ADAMTS2: variants seen among roughly 807,000 people sequenced by gnomAD.
The protein encoded by ADAMTS2 is A disintegrin and metalloproteinase with thrombospondin motifs 2.
A neutral mutation model predicts 123.0 loss-of-function variants in ADAMTS2; 50 were observed. The observed-to-expected ratio is 0.41, with a 90% CI of 0.32 to 0.51. The LOEUF (loss-of-function observed/expected upper bound fraction) is 0.51, where lower values mean the gene tolerates loss of function less well. Among genes scored for constraint, ADAMTS2 ranks in the 20% least tolerant of loss-of-function variants. The pLI, the probability that ADAMTS2 is intolerant of heterozygous loss-of-function variation, is 0.35. For missense variants in ADAMTS2, 1,494 were observed against 1,705.2 expected (o/e 0.88, Z 2.18); for synonymous variants, 678 against 695.4 (o/e 0.98, Z 0.39).
Position 179,242,875 on chromosome 5 carries a change from G to A in ADAMTS2, c.688+30036C>T, listed in dbSNP as rs1021901742. Among the ~76,000 whole-genome samples, 9 of 152,146 alleles carry A rather than the reference G, an allele frequency of 5.9e-5. No homozygotes were observed. In the East Asian group the frequency reaches 9.6e-4, roughly 16 times the overall value. ...CCCTGCTGAGTGTGACCGAAAGGCC[G>A]GAGCACCTTCCTCCACCCAGCCCTA... On this transcript the variant is annotated intron_variant, in intron 3 of 21. Transcript: ENST00000251582. This position sits in a 1 kb window ranked among gnomAD's most constrained non-coding sequence, Gnocchi z 4.2.
rs372364065 is a variant in ADAMTS2 at position 179,114,134 on chromosome 5, G to A, written c.3369C>T (p.Leu1123=). The change falls in exon 22 of 22, where the codon CTC becomes CTT. Residue 1123 remains leucine (L), a synonymous_variant. Coordinates refer to ENST00000251582, the MANE Select transcript of ADAMTS2 (RefSeq NM_014244.5). The part of the protein sequence containing the change: ...HNDIDVFMPT[L]PVPTVAMEVR... ...CCTCCATGGCTACAGTGGGCACTGG[G>A]AGGGTAGGCATGAACACGTCAATGT... 3 of 1,613,910 alleles carry A rather than the reference G, an allele frequency of 1.9e-6. No homozygotes were observed. The highest frequency in any genetic ancestry group is 2.7e-5 in the African/African-American group (2 of 74,906).
chr5:179,126,809 G>A (rs1035052669), intron 17 of ADAMTS2, among the ~76,000 whole-genome samples: 1 of 152,190 alleles, frequency 6.6e-6, no homozygotes, highest in Non-Finnish European at 1.5e-5. Flanking sequence ...GGCATCCCAG[G>A]AAGCAGAGGC....
chr5:179,252,034 G>T (rs1307132586), intron 3 of ADAMTS2, among the ~76,000 whole-genome samples: 1 of 146,064 alleles, frequency 6.8e-6, no homozygotes, highest in African/African-American at 2.6e-5. Flanking sequence ...TTGAGATAGG[G>T]TCTGACTTTG....
rs868813411 is a variant in ADAMTS2, at chr5:179,228,339, C to T, written c.689-20624G>A. ...AGGTGACAGGAACGGGCCAGGTGCA[C>T]GGACAGGGCTGTTCCTGACTCAGCT... On this transcript the variant is annotated intron_variant, in intron 3 of 21. Coordinates refer to ENST00000251582, the MANE Select transcript of ADAMTS2 (RefSeq NM_014244.5). The surrounding 1 kb of genome is among the most constrained non-coding windows in gnomAD (Gnocchi z 5.2). 9.2e-5 allele frequency among the ~76,000 whole-genome samples: 14 copies of T among 152,218 alleles called. No individual in the cohort carries two copies. The highest frequency in any genetic ancestry group is 1.8e-4 in the Non-Finnish European group (12 of 68,040).
At chr5:179,139,466 C>T (rs1763122842) in intron 11 of ADAMTS2, among the ~76,000 whole-genome samples, 1 of 152,052 alleles carries the variant, frequency 6.6e-6, no homozygotes. Context: ...TTGTCCCTCC[C>T]CTGGGCAGCC....
rs1763906018 is a variant in ADAMTS2, at chr5:179,175,237, G to C, written c.975+5835C>G. 6.6e-6 allele frequency among the ~76,000 whole-genome samples: 1 copy of C among 151,586 alleles called. No individual in the cohort carries two copies. Among genetic ancestry groups the C allele is most frequent in the East Asian group, 1.9e-4 (1 of 5,170 alleles). On this transcript the variant is annotated intron_variant, in intron 5 of 21. Transcript: ENST00000251582. The surrounding 1 kb of genome is among the most constrained non-coding windows in gnomAD (Gnocchi z 4.1). ...TCTTCCTTGCTTGGGTTCCGCAGCTGTCTCAGCCATGCTTGACCGTTCATG... is the reference window on the plus strand; with the variant it reads ...TCTTCCTTGCTTGGGTTCCGCAGCTCTCTCAGCCATGCTTGACCGTTCATG...
At chr5:179,341,317 T>G in intron 2 of ADAMTS2, 1 of 371,206 alleles carries the variant, frequency 2.7e-6, no homozygotes, top group Non-Finnish European at 5.4e-6. Flanking sequence ...AGGTCGGGAG[T>G]TTGAGACCAG....
rs2303645 is a variant in ADAMTS2 at position 179,130,291 on chromosome 5, C to T, written c.2291-193G>A. On this transcript the variant is annotated intron_variant, in intron 15 of 21. Transcript: ENST00000251582. This position sits in a 1 kb window ranked among gnomAD's most constrained non-coding sequence, Gnocchi z 4.3. ...CCCTGCTTGCCCATCACTGCTCCCT[C>T]GGGACCAGATTACCCTCCACTCGCA... is the stretch of plus-strand genomic sequence containing the variant. 0.24 allele frequency among the ~76,000 whole-genome samples: 37,049 copies of T among 151,968 alleles called. 4,664 individuals are homozygous for T. The highest frequency in any genetic ancestry group is 0.34 in the East Asian group (1,728 of 5,116).
intron 4 of ADAMTS2, among the ~76,000 whole-genome samples, chr5:179,186,283 C>G (rs897813988): frequency 2.6e-5 from 4 of 152,238 alleles, no homozygotes; most frequent in Non-Finnish European, 4.4e-5. Context: ...GGTGGTTCTC[C>G]TGCCCCTGCG....
chr5:179,215,787 G>A (rs146704829), intron 3 of ADAMTS2, among the ~76,000 whole-genome samples: 1 of 152,096 alleles, frequency 6.6e-6, no homozygotes, highest in African/African-American at 2.4e-5. Context: ...GGGAAAATCA[G>A]GTTACAGGAG....
chr5:179,280,971 C>A (rs1766885313), intron 2 of ADAMTS2, among the ~76,000 whole-genome samples: 1 of 152,172 alleles, frequency 6.6e-6, no homozygotes, highest in Non-Finnish European at 1.5e-5. Flanking sequence ...GATTCTCCTG[C>A]CTCAGCCTCC....
intron 3 of ADAMTS2, among the ~76,000 whole-genome samples, chr5:179,267,398 A>T (rs1057365285): frequency 4.6e-5 from 7 of 152,200 alleles, no homozygotes; most frequent in African/African-American, 1.7e-4. Context: ...GTCAGGGAGG[A>T]TGCTGCAGCC....
In ADAMTS2 at chr5:179,125,144, G is replaced by A. The variant is rs149424876; in HGVS notation, c.2787C>T (p.Thr929=). The A allele has an allele frequency of 6.2e-7, 1 of 1,612,966 alleles. No individual in the cohort carries two copies. The part of the protein sequence containing the change: ...VTGEWEPCSQ[T]CGRTGMQVRS... The stretch of plus-strand genomic sequence containing the variant: ...GCACCTGCATGCCTGTCCGCCCACA[G>A]GTCTGGCTACATGGCTCCCATTCGC... Residue 929 remains threonine (T), a synonymous_variant, in exon 19 of 22, where the codon ACC becomes ACT. Transcript: ENST00000251582.
intron 3 of ADAMTS2, among the ~76,000 whole-genome samples, chr5:179,249,790 A>G (rs1713911303): frequency 6.6e-6 from 1 of 152,182 alleles, no homozygotes; most frequent in African/African-American, 2.4e-5. Flanking sequence ...CTAGGACCAG[A>G]TGGCTTTACT....
intron 2 of ADAMTS2, among the ~76,000 whole-genome samples, chr5:179,333,850 T>C (rs1757541648): frequency 1.3e-5 from 2 of 152,104 alleles, no homozygotes; most frequent in South Asian, 4.1e-4. Flanking sequence ...TCTGCCCGCC[T>C]CAGCCTCCTC....
intron 2 of ADAMTS2, among the ~76,000 whole-genome samples, chr5:179,327,286 G>T (rs1273829594): frequency 6.6e-6 from 1 of 152,190 alleles, no homozygotes; most frequent in African/African-American, 2.4e-5. Context: ...GAAGGGTAAG[G>T]CAGGGACTCA....
At chr5:179,219,655 G>T (rs1304105991) in intron 3 of ADAMTS2, among the ~76,000 whole-genome samples, 1 of 152,240 alleles carries the variant, frequency 6.6e-6, no homozygotes, top group Non-Finnish European at 1.5e-5. Context: ...GCCCAAGCCA[G>T]CAGGGCCATG....
rs977515096 is a variant in ADAMTS2 at position 179,111,699 on chromosome 5, G to A, written c.*2168C>T. 5 of 152,242 alleles carry A rather than the reference G, an allele frequency of 3.3e-5. No individual in the cohort carries two copies. Among genetic ancestry groups the A allele is most frequent in the Non-Finnish European group, 5.9e-5 (4 of 68,052 alleles). The allele number at this position is 152,242 out of a possible 1,614,324, so 9.4% of individuals were successfully genotyped here. A position where few individuals can be genotyped will look rare whatever the true frequency, so the allele number is the denominator to read the frequency against. ...CAGAGGCCCCTAGGCTGGGTAAACC[G>A]AGTCATACTCTCTGCCTAGCGTTAG... On this transcript the variant is annotated 3_prime_UTR_variant, in exon 22 of 22. Transcript: ENST00000251582.
intron 3 of ADAMTS2, among the ~76,000 whole-genome samples, chr5:179,244,118 G>A (rs1765728334): frequency 6.8e-6 from 1 of 146,068 alleles, no homozygotes; most frequent in South Asian, 2.1e-4. Flanking sequence ...AGAAACAGTG[G>A]CAAAAAGCTC....
Sources: allele counts gnomAD v4.1 joint callset (sites outside exome capture counted in the v4.1 genomes callset), GRCh38; gene constraint gnomAD v4.1.1; non-coding constraint Gnocchi (gnomAD v3.1); transcripts MANE v1.5; gene names NCBI Gene and HGNC (gene_info 2026-07-23, HGNC 2026-07-21).